Variants in KAT2B observed in about 807,000 individuals in gnomAD.
The protein encoded by KAT2B is histone acetyltransferase KAT2B.
Under a neutral mutation model 105.9 loss-of-function variants are expected in KAT2B, and 36 were observed. That is an observed-to-expected ratio of 0.34 (90% confidence interval 0.26 to 0.45). The LOEUF is 0.45. Among genes scored for constraint, KAT2B ranks in the 20% least tolerant of loss-of-function variants. KAT2B has a pLI of 1.00. For missense variants in KAT2B, 820 were observed against 1,021.6 expected, an observed-to-expected ratio of 0.80 and a Z score of 2.69; for synonymous variants, 397 against 377.9, an observed-to-expected ratio of 1.05 and a Z score of -0.59.
At chr3:20,062,113 A>ATATATAAAACATATTATATATAT (rs1698127304) in intron 1 of KAT2B, among the ~76,000 whole-genome samples, 1 of 100,576 alleles carries the variant, frequency 9.9e-6, no homozygotes, top group African/African-American at 4.2e-5. Context: ...AATATATATT[A>ATATATAAAACATATTATATATAT]TATAAAACAT....
At chr3:20,127,581 G>A in intron 11 of KAT2B, 32 bp downstream of exon 11, 1 of 1,604,064 alleles carries the variant, frequency 6.2e-7, no homozygotes, top group Non-Finnish European at 8.5e-7. Flanking sequence ...TAGAAGAAGA[G>A]CAGAATGTGG....
intron 1 of KAT2B, among the ~76,000 whole-genome samples, chr3:20,062,979 C>G (rs968998103): frequency 6.6e-6 from 1 of 152,004 alleles, no homozygotes; most frequent in Non-Finnish European, 1.5e-5. Flanking sequence ...TCTGGGTTGC[C>G]TTTTCACTCT....
intron 17 of KAT2B, among the ~76,000 whole-genome samples, chr3:20,150,064 C>A (rs1699846021): frequency 1.3e-5 from 2 of 152,134 alleles, no homozygotes; most frequent in Non-Finnish European, 2.9e-5. Flanking sequence ...TGCTTGGTCC[C>A]ACCCGTGAAG....
At chr3:20,152,297 G>C in intron 17 of KAT2B, 35 bp from the exon 18 acceptor site, 7 of 1,539,406 alleles carry the variant, frequency 4.5e-6, no homozygotes, top group Non-Finnish European at 6.2e-6. Context: ...TTTAAAGGGA[G>C]TCAAAGATTG....
intron 1 of KAT2B, among the ~76,000 whole-genome samples, chr3:20,063,534 CT>C (rs36058009): frequency 4.1e-3 from 366 of 88,640 alleles, no homozygotes; most frequent in Non-Finnish European, 5.3e-3. Context: ...GAGTAGGCCT[CT>C]TTTTTTTTTT....
At chr3:20,149,782 C>G (rs3804568) in intron 17 of KAT2B, among the ~76,000 whole-genome samples, 28,910 of 151,988 alleles carry the variant, frequency 0.19, 3,121 homozygotes, top group East Asian at 0.38. Context: ...GTCTAGAATT[C>G]TGAATGGAAG....
At chr3:20,043,310 G>A (rs1697751553) in intron 1 of KAT2B, among the ~76,000 whole-genome samples, 1 of 152,220 alleles carries the variant, frequency 6.6e-6, no homozygotes, top group African/African-American at 2.4e-5. Context: ...CACAGAATTT[G>A]TCCTTCAGGA....
chr3:20,089,368 G>T lies in KAT2B; in HGVS notation c.431-5895G>T, dbSNP rs1401042357. Among the ~76,000 whole-genome samples, 3 of 149,878 alleles carry T rather than the reference G, an allele frequency of 2.0e-5. No homozygotes were observed. The East Asian group carries it at 5.9e-4, about 29-fold the overall frequency. ...ATTCTTCCAATCTGTGAACATAAAA[G>T]ATATCTTATCACTTATTCGTGTCTT... On this transcript the variant is annotated intron_variant, in intron 2 of 17. Transcript: ENST00000263754.
chr3:20,074,190 G>T (rs1234130246), intron 2 of KAT2B, among the ~76,000 whole-genome samples: 6 of 152,264 alleles, frequency 3.9e-5, no homozygotes, highest in East Asian at 1.9e-4. Flanking sequence ...CTAAAAGGAC[G>T]GTGACAGTGT....
intron 1 of KAT2B, among the ~76,000 whole-genome samples, chr3:20,051,693 A>C (rs989395206): frequency 2.6e-5 from 4 of 152,222 alleles, no homozygotes; most frequent in Admixed American, 1.3e-4. Context: ...GACAGTGAGA[A>C]GCAAAGATTA....
In KAT2B at chr3:20,152,657, A is replaced by G. The variant is rs1699889687; in HGVS notation, c.*132A>G. The G allele has an allele frequency of 6.5e-6, 4 of 615,934 alleles. No homozygotes were observed. Among genetic ancestry groups the G allele is most frequent in the African/African-American group, 5.5e-5 (3 of 54,572 alleles). The allele number at this position is 615,934 out of a possible 1,614,324, so 38.2% of individuals were successfully genotyped here. A position where few individuals can be genotyped will look rare whatever the true frequency, so the allele number is the denominator to read the frequency against. On this transcript the variant is annotated 3_prime_UTR_variant, in exon 18 of 18. Coordinates refer to ENST00000263754, the MANE Select transcript of KAT2B (RefSeq NM_003884.5). ...AATGTAATAATTAGCACTTTTGAAA[A>G]AACAAAAAACCTCCTTTTAGCTTTT...
intron 13 of KAT2B, among the ~76,000 whole-genome samples, chr3:20,145,456 G>A (rs1481940699): frequency 7.1e-6 from 1 of 140,200 alleles, no homozygotes; most frequent in African/African-American, 2.6e-5. Flanking sequence ...AGATTTTTTT[G>A]TTTTCCTTTG....
intron 5 of KAT2B, among the ~76,000 whole-genome samples, chr3:20,102,414 T>G (rs964617010): frequency 2.6e-5 from 4 of 152,226 alleles, no homozygotes; most frequent in African/African-American, 9.6e-5. Flanking sequence ...AATAACATTT[T>G]ACATTAGTTA....
At chr3:20,088,938 A>C (rs1698667507) in intron 2 of KAT2B, among the ~76,000 whole-genome samples, 1 of 152,144 alleles carries the variant, frequency 6.6e-6, no homozygotes, top group Admixed American at 6.5e-5. Context: ...ATAAGGGTCT[A>C]ATTTCATTCT....
intron 1 of KAT2B, among the ~76,000 whole-genome samples, chr3:20,068,413 A>G (rs1698262727): frequency 6.7e-6 from 1 of 149,712 alleles, no homozygotes; most frequent in South Asian, 2.2e-4. Context: ...TTTCCCTTAT[A>G]CTAGATACCT....
chr3:20,083,182 C>T (rs985057891), intron 2 of KAT2B, among the ~76,000 whole-genome samples: 1 of 152,154 alleles, frequency 6.6e-6, no homozygotes, highest in Non-Finnish European at 1.5e-5. Context: ...GACTTCATAT[C>T]TTGAGTTTTG....
At chr3:20,065,496 G>C (rs1345842237) in intron 1 of KAT2B, among the ~76,000 whole-genome samples, 1 of 152,190 alleles carries the variant, frequency 6.6e-6, no homozygotes, top group Non-Finnish European at 1.5e-5. Flanking sequence ...GGCCAAAGTG[G>C]AGGGCATGGT....
At chr3:20,122,018 G>A (rs1423072436) in intron 8 of KAT2B, among the ~76,000 whole-genome samples, 2 of 152,128 alleles carry the variant, frequency 1.3e-5, no homozygotes, top group Admixed American at 1.3e-4. Flanking sequence ...ATATATGGTG[G>A]GGTGCCGGTG....
intron 12 of KAT2B, 64 bp from the exon 13 acceptor site, chr3:20,140,157 T>C (rs1244027631): frequency 9.7e-7 from 1 of 1,029,278 alleles, no homozygotes; most frequent in Admixed American, 1.8e-5. Flanking sequence ...GCCTGGAACA[T>C]AGTTAGCACT....
Sources: allele counts gnomAD v4.1 joint callset (sites outside exome capture counted in the v4.1 genomes callset), GRCh38; gene constraint gnomAD v4.1.1; transcripts MANE v1.5; gene names NCBI Gene and HGNC (gene_info 2026-07-23, HGNC 2026-07-21).